Variants in CLIP1 observed in about 807,000 individuals in gnomAD.
The protein encoded by CLIP1 is CAP-Gly domain containing linker protein 1.
A neutral mutation model predicts 161.6 loss-of-function variants in CLIP1; 66 were observed. That is an observed-to-expected ratio of 0.41 (90% CI 0.33 to 0.50). CLIP1 has a LOEUF of 0.50. Ranked by LOEUF, CLIP1 falls within the 20% of genes least tolerant of loss-of-function variation. The probability of loss-of-function intolerance (pLI) is 0.27; values close to 1 mark genes in which losing one functional copy is unlikely to be tolerated. For missense variants in CLIP1, 1,376 were observed against 1,702.0 expected (o/e 0.81, Z 3.37); for synonymous variants, 598 against 626.2 (o/e 0.96, Z 0.67).
rs57168188 is a variant in CLIP1, at chr12:122,389,758, CAAAAAAAAAAAAA to C, written c.-106-9213_-106-9201del. Reference sequence around the variant, plus strand: ...AGGAGAGCAGAATGAGATCCTGTCTCAAAAAAAAAAAAAAAAAAAAAAAAAGAATTTATAATGT... The same window carrying C: ...AGGAGAGCAGAATGAGATCCTGTCTCAAAAAAAAAAAAGAATTTATAATGT... On this transcript the variant is annotated intron_variant, in intron 1 of 25. Coordinates refer to ENST00000620786, the MANE Select transcript of CLIP1 (RefSeq NM_001247997.2). Among the ~76,000 whole-genome samples, 11 of 69,306 alleles carry C rather than the reference CAAAAAAAAAAAAA, an allele frequency of 1.6e-4. 1 individual carries two copies. Among genetic ancestry groups the C allele is most frequent in the South Asian group, 7.0e-4 (1 of 1,422 alleles). The allele number at this position is 69,306 out of a possible 152,430, so 45.5% of individuals were successfully genotyped here.
Position 122,413,052 on chromosome 12 carries a change from T to TA in CLIP1, c.-107+9468dup, listed in dbSNP as rs542645813. Among the ~76,000 whole-genome samples the TA allele has an allele frequency of 4.6e-5, 7 of 152,092 alleles. No homozygotes were observed. The East Asian group carries it at 5.8e-4, about 13-fold the overall frequency. ...AATAAGTTTTCTTTCACTTAGGCTA[T>TA]AAAAAAAATCACCCTGCTTATAAAG... On this transcript the variant is annotated intron_variant, in intron 1 of 25. Coordinates refer to ENST00000620786, the MANE Select transcript of CLIP1 (RefSeq NM_001247997.2).
chr12:122,293,127 CAAT>C (rs1811276535), intron 20 of CLIP1, among the ~76,000 whole-genome samples: 1 of 151,276 alleles, frequency 6.6e-6, no homozygotes, highest in Admixed American at 6.6e-5. Context: ...TTTCATAATG[CAAT>C]AATATGTAGA....
intron 1 of CLIP1, among the ~76,000 whole-genome samples, chr12:122,388,418 AC>A (rs1225639866): frequency 6.6e-6 from 1 of 152,028 alleles, no homozygotes. Context: ...ACGGGGTTTC[AC>A]CGTGTTAGCC....
At chr12:122,328,954 G>A (rs77023976) in intron 15 of CLIP1, among the ~76,000 whole-genome samples, 1 of 152,164 alleles carries the variant, frequency 6.6e-6, no homozygotes, top group East Asian at 1.9e-4. Context: ...ATTATTTAGA[G>A]TAATAACTAC....
intron 5 of CLIP1, chr12:122,356,222 A>C (rs1046893128): frequency 2.6e-5 from 4 of 152,216 alleles, no homozygotes; most frequent in African/African-American, 9.6e-5. Flanking sequence ...TCCTGAATAC[A>C]TTAAATGTGT....
At chr12:122,357,816 G>T (rs1355930092) in intron 5 of CLIP1, among the ~76,000 whole-genome samples, 1 of 148,864 alleles carries the variant, frequency 6.7e-6, no homozygotes, top group Admixed American at 6.7e-5. Flanking sequence ...AGGGAGGTGG[G>T]GGGGGTCAGC....
intron 15 of CLIP1, among the ~76,000 whole-genome samples, chr12:122,332,162 G>A (rs1952002990): frequency 6.6e-6 from 1 of 151,832 alleles, no homozygotes; most frequent in African/African-American, 2.4e-5. Context: ...AGGCATGGTG[G>A]TGCAAGCCTG....
At position 122,279,674 on chromosome 12, in the gene CLIP1, G is replaced by A. The variant is rs1955567366; in HGVS notation, c.3648-529C>T. ...AGAATGGGTGTTTAAGATGTTATGG[G>A]CCAAAACAGTAGTAAAGATTATTAT... On this transcript the variant is annotated intron_variant, in intron 21 of 25. Coordinates refer to ENST00000620786, the MANE Select transcript of CLIP1 (RefSeq NM_001247997.2). The surrounding 1 kb of genome is among the most constrained non-coding windows in gnomAD (Gnocchi z 4.5). The A allele has an allele frequency of 1.3e-5, 2 of 152,182 alleles. No homozygotes were observed. The highest frequency in any genetic ancestry group is 4.1e-4 in the South Asian group (2 of 4,824). 9.4% of individuals were successfully genotyped at this position (152,182 alleles called of 1,614,324 possible).
intron 1 of CLIP1, among the ~76,000 whole-genome samples, chr12:122,390,282 A>ATATATATATATATATATATATATATG (rs1955582203): frequency 3.2e-5 from 1 of 31,108 alleles, no homozygotes; most frequent in African/African-American, 6.3e-5. Context: ...ATATATACAT[A>ATATATATATATATATATATATATATG]TATATATATA....
At chr12:122,276,540 G>A in intron 24 of CLIP1, 2 of 1,218,154 alleles carry the variant, frequency 1.6e-6, no homozygotes, top group South Asian at 2.6e-5. Context: ...AAGCCCAGTA[G>A]ACATACAAAG....
chr12:122,321,018 T>TTTCTTAAA (rs1951479754), intron 17 of CLIP1, among the ~76,000 whole-genome samples: 2 of 144,982 alleles, frequency 1.4e-5, no homozygotes, highest in Non-Finnish European at 3.0e-5. Context: ...AGACTCTGTC[T>TTTCTTAAA]TAAATAAATA....
In CLIP1 at chr12:122,276,479, A is replaced by G. The variant is rs763953399; in HGVS notation, c.3966+1675T>C. On this transcript the variant is annotated intron_variant, in intron 24 of 25. Transcript: ENST00000620786. Reference sequence around the variant, plus strand: ...AGAAAAGTGTTGTCAGCAGCAGATGAAACAAACCGAAGCAGAAAGGAAGGG... The same window carrying G: ...AGAAAAGTGTTGTCAGCAGCAGATGGAACAAACCGAAGCAGAAAGGAAGGG... 2.6e-5 allele frequency: 34 copies of G among 1,289,038 alleles called. 1 individual carries two copies. The South Asian group carries it at 4.2e-4, about 16-fold the overall frequency. The allele number at this position is 1,289,038 out of a possible 1,614,324, so 79.9% of individuals were successfully genotyped here.
chr12:122,292,927 C>T (rs369849371), intron 20 of CLIP1, among the ~76,000 whole-genome samples: 224 of 144,808 alleles, frequency 1.5e-3, no homozygotes, highest in African/African-American at 5.1e-3. Flanking sequence ...GGCATGAACC[C>T]GGGAGGCGGA....
At chr12:122,354,923 A>C in intron 6 of CLIP1, 192 bp downstream of exon 6, 1 of 613,830 alleles carries the variant, frequency 1.6e-6, no homozygotes, top group South Asian at 2.0e-5. Context: ...AATCAAGAAC[A>C]AAACTTCATC....
intron 11 of CLIP1, among the ~76,000 whole-genome samples, chr12:122,337,648 C>G (rs1274059431): frequency 6.6e-6 from 1 of 152,076 alleles, no homozygotes; most frequent in Non-Finnish European, 1.5e-5. Context: ...CTTGGAGTAT[C>G]AGCATGATCT....
intron 1 of CLIP1, among the ~76,000 whole-genome samples, chr12:122,393,706 G>T (rs1288792413): frequency 6.6e-6 from 1 of 151,954 alleles, no homozygotes; most frequent in Non-Finnish European, 1.5e-5. Context: ...GAGGTCAGTA[G>T]TTCGAGACCA....
chr12:122,284,066 T>A (rs1412434957), intron 21 of CLIP1, among the ~76,000 whole-genome samples: 1 of 152,194 alleles, frequency 6.6e-6, no homozygotes, highest in Non-Finnish European at 1.5e-5. Context: ...AATCTGAGTT[T>A]TAGAAGGCAA....
At chr12:122,318,398 TA>T (rs1951351724) in intron 18 of CLIP1, among the ~76,000 whole-genome samples, 1 of 152,096 alleles carries the variant, frequency 6.6e-6, no homozygotes, top group Admixed American at 6.6e-5. Context: ...CCAGGCGTGG[TA>T]GTGGGCACCT....
chr12:122,422,599 C>A lies in CLIP1; in HGVS notation c.-185G>T. The A allele has an allele frequency of 6.7e-6, 1 of 148,498 alleles. No homozygotes were observed. The highest frequency in any genetic ancestry group is 1.8e-4 in the South Asian group (1 of 5,540). 9.2% of individuals were successfully genotyped at this position (148,498 alleles called of 1,614,324 possible). ...GCCGCGGCCGCCGCCTCCCGCCTCC[C>A]GGCTCGTCGGCTCGGGGCGGGGGAG... On this transcript the variant is annotated 5_prime_UTR_variant, in exon 1 of 26. Coordinates refer to ENST00000620786, the MANE Select transcript of CLIP1 (RefSeq NM_001247997.2).
Sources: gnomAD v4.1 joint callset for allele counts (sites outside exome capture counted in the v4.1 genomes callset) on GRCh38, gnomAD v4.1.1 for gene constraint, Gnocchi (gnomAD v3.1) non-coding constraint, MANE v1.5 for transcripts, NCBI Gene and HGNC (gene_info 2026-07-23, HGNC 2026-07-21) for gene names.